CSMD1: variants seen among roughly 807,000 people sequenced by gnomAD.
The protein encoded by CSMD1 is CUB and sushi domain-containing protein 1.
Under a neutral mutation model 417.5 loss-of-function variants are expected in CSMD1, and 213 were observed. That is an observed-to-expected ratio of 0.51 (90% CI 0.46 to 0.57). CSMD1 has a LOEUF of 0.57. Among genes scored for constraint, CSMD1 ranks in the 20% least tolerant of loss-of-function variants. CSMD1 has a pLI of 0.00. For synonymous variants in CSMD1, 2,862 were observed against 1,736.8 expected (o/e 1.65, Z -16.11); for missense variants, 6,923 against 4,529.7 (o/e 1.53, Z -15.17).
At chr8:4,369,018 G>T (rs1802252027) in intron 3 of CSMD1, among the ~76,000 whole-genome samples, 1 of 151,972 alleles carries the variant, frequency 6.6e-6, no homozygotes, top group South Asian at 2.1e-4. Context: ...GGTTTTTCTA[G>T]TTCCTCTAGG....
intron 67 of CSMD1, among the ~76,000 whole-genome samples, chr8:2,949,929 C>T (rs953412163): frequency 1.3e-5 from 2 of 152,148 alleles, no homozygotes; most frequent in Admixed American, 1.3e-4. Flanking sequence ...TCTGATGGCA[C>T]CACTCACGAT....
chr8:3,236,773 T>G (rs763301055), intron 26 of CSMD1, among the ~76,000 whole-genome samples: 7 of 152,214 alleles, frequency 4.6e-5, no homozygotes, highest in Non-Finnish European at 1.0e-4. Context: ...TTGCTGACTC[T>G]GAAGGTTTCT....
intron 53 of CSMD1, among the ~76,000 whole-genome samples, chr8:2,999,746 G>C (rs186166989): frequency 5.7e-4 from 85 of 150,116 alleles, no homozygotes; most frequent in African/African-American, 1.8e-3. Flanking sequence ...GTCAGGAAAA[G>C]GAGTTTGAAG....
chr8:4,076,956 C>A (rs992556072), intron 3 of CSMD1, among the ~76,000 whole-genome samples: 1 of 152,164 alleles, frequency 6.6e-6, no homozygotes, highest in Non-Finnish European at 1.5e-5. Flanking sequence ...AAGGATAACA[C>A]TTTCCTCTGA....
chr8:3,844,937 GATTTTT>G (rs1240847220), intron 5 of CSMD1, among the ~76,000 whole-genome samples: 6 of 152,110 alleles, frequency 3.9e-5, no homozygotes, highest in Non-Finnish European at 7.4e-5. Context: ...CAGAATGCTT[GATTTTT>G]ATTTTAATGA....
In CSMD1 at chr8:2,973,851, G is replaced by A. The variant is rs181084185; in HGVS notation, c.8741-552C>T. On this transcript the variant is annotated intron_variant, in intron 56 of 69. Coordinates refer to ENST00000635120, the MANE Select transcript of CSMD1 (RefSeq NM_033225.6). ...ATGATGGTAGAGGATGATGGTAGAGGATGATGGTAGAGGATGGTGGTAGAG... is the reference window on the plus strand; with the variant it reads ...ATGATGGTAGAGGATGATGGTAGAGAATGATGGTAGAGGATGGTGGTAGAG... Among the ~76,000 whole-genome samples, 46 of 151,316 alleles carry A rather than the reference G, an allele frequency of 3.0e-4. 1 individual carries two copies. The highest frequency in any genetic ancestry group is 1.9e-3 in the East Asian group (10 of 5,174).
intron 7 of CSMD1, among the ~76,000 whole-genome samples, chr8:3,703,436 T>TTTCATTCATTCATTCA (rs199822463): frequency 6.7e-6 from 1 of 149,812 alleles, no homozygotes; most frequent in Non-Finnish European, 1.5e-5. Context: ...CTTTCTCCCT[T>TTTCATTCATTCATTCA]TTCATTCATT....
intron 5 of CSMD1, among the ~76,000 whole-genome samples, chr8:3,984,913 T>C (rs1814203562): frequency 6.6e-6 from 1 of 151,754 alleles, no homozygotes; most frequent in African/African-American, 2.4e-5. Context: ...ATTTCAAGCT[T>C]CATTGTAGTT....
chr8:3,560,897 T>A (rs948890125), intron 10 of CSMD1, among the ~76,000 whole-genome samples: 1 of 152,172 alleles, frequency 6.6e-6, no homozygotes, highest in East Asian at 1.9e-4. Context: ...TTCTTCCAGT[T>A]CCTATTTACT....
chr8:4,460,803 T>C (rs1799769985), intron 2 of CSMD1, among the ~76,000 whole-genome samples: 1 of 152,126 alleles, frequency 6.6e-6, no homozygotes, highest in South Asian at 2.1e-4. Context: ...CTAAAGAAAA[T>C]TCCAGGCTCA....
chr8:4,389,585 T>TA (rs1803707354), intron 3 of CSMD1, among the ~76,000 whole-genome samples: 1 of 152,104 alleles, frequency 6.6e-6, no homozygotes, highest in South Asian at 2.1e-4. Context: ...GTTTAAGAAA[T>TA]AAAACATTTC....
chr8:4,109,361 A>C (rs534137946), intron 3 of CSMD1, among the ~76,000 whole-genome samples: 2 of 152,128 alleles, frequency 1.3e-5, no homozygotes, highest in Non-Finnish European at 2.9e-5. Flanking sequence ...ATCTTATTTC[A>C]TAGATTTACT....
At chr8:4,030,767 T>A (rs949406069) in intron 4 of CSMD1, among the ~76,000 whole-genome samples, 74 of 152,308 alleles carry the variant, frequency 4.9e-4, no homozygotes, top group Middle Eastern at 3.4e-3. Flanking sequence ...ACTGCAAAGT[T>A]CATGAACTTT....
intron 1 of CSMD1, among the ~76,000 whole-genome samples, chr8:4,743,439 G>C (rs1810750281): frequency 6.6e-6 from 1 of 152,086 alleles, no homozygotes; most frequent in South Asian, 2.1e-4. Flanking sequence ...CGTGTGTCAA[G>C]AATGAGCAGA....
chr8:4,010,615 C>A (rs566058287), intron 4 of CSMD1, among the ~76,000 whole-genome samples: 1 of 152,088 alleles, frequency 6.6e-6, no homozygotes, highest in African/African-American at 2.4e-5. Context: ...ACTCTCCATA[C>A]CAGGTCACTT....
chr8:3,483,194 T>C (rs1353590186), intron 11 of CSMD1, among the ~76,000 whole-genome samples: 1 of 151,824 alleles, frequency 6.6e-6, no homozygotes. Flanking sequence ...CTTTCAAAAA[T>C]AATATAATTG....
At position 3,151,463 on chromosome 8, in the gene CSMD1, C is replaced by A. The variant is rs62490188; in HGVS notation, c.5965G>T (p.Gly1989Cys). The A allele has an allele frequency of 1.9e-6, 3 of 1,613,738 alleles. No individual in the cohort carries two copies. The highest frequency in any genetic ancestry group is 2.5e-6 in the Non-Finnish European group (3 of 1,179,884). The stretch of plus-strand genomic sequence containing the variant: ...TTGTTGGGGTAAGAACCTGGGAAGC[C>A]GGGGCTCAGGATCACACCACCCAAG... ...STLGGVILSPGFPGSYPNNLD... is the reference protein window; with the variant it reads ...STLGGVILSPCFPGSYPNNLD... The change falls in exon 40 of 70, where the codon GGC (glycine) becomes TGC (cysteine). Residue 1989 changes from glycine to cysteine, a missense_variant. By Grantham distance (159) the Gly-to-Cys change is radical. Coordinates refer to ENST00000635120, the MANE Select transcript of CSMD1 (RefSeq NM_033225.6).
At chr8:3,325,823 CAAACAAAAACAA>C (rs898067476) in intron 23 of CSMD1, among the ~76,000 whole-genome samples, 5 of 151,924 alleles carry the variant, frequency 3.3e-5, no homozygotes, top group African/African-American at 4.8e-5. Flanking sequence ...GGCTCCGTCT[CAAACAAAAACAA>C]AAACAAAAAC....
At chr8:4,917,935 T>C (rs1806181353) in intron 1 of CSMD1, among the ~76,000 whole-genome samples, 1 of 152,182 alleles carries the variant, frequency 6.6e-6, no homozygotes, top group African/African-American at 2.4e-5. Flanking sequence ...AATCAGAAGT[T>C]GATACAGAAA....
Sources: gnomAD v4.1 joint callset for allele counts (sites outside exome capture counted in the v4.1 genomes callset) on GRCh38, gnomAD v4.1.1 for gene constraint, MANE v1.5 for transcripts, NCBI Gene and HGNC (gene_info 2026-07-23, HGNC 2026-07-21) for gene names.